NUDT16L1: variants seen among roughly 807,000 people sequenced by gnomAD.
The protein encoded by NUDT16L1 is nudix hydrolase 16 like 1.
A neutral mutation model predicts 17.3 loss-of-function variants in NUDT16L1; 19 were observed. The ratio of observed to expected loss-of-function variants is 1.10; its 90% CI spans 0.77 to 1.61. NUDT16L1 has a LOEUF of 1.61. Among genes scored for constraint, NUDT16L1 ranks in the 40% most tolerant of loss-of-function variants. The pLI is 0.00. For synonymous variants in NUDT16L1, 255 were observed against 138.6 expected, an observed-to-expected ratio of 1.84 and a Z score of -5.90; for missense variants, 341 against 292.0, an observed-to-expected ratio of 1.17 and a Z score of -1.22.
chr16:4,695,181 G>T (rs568207659), exon 3 of NUDT16L1: 3 of 1,611,414 alleles, frequency 1.9e-6, no homozygotes, highest in Admixed American at 1.7e-5. Flanking sequence ...TCCTCTTGAG[G>T]GCTGCCTGAG....
exon 3 of NUDT16L1, chr16:4,695,363 C>T (rs1170066144): frequency 2.2e-5 from 14 of 633,750 alleles, no homozygotes; most frequent in Non-Finnish European, 1.1e-5. Flanking sequence ...GAACCCAGCC[C>T]ATCCTCTCAG....
intron 2 of NUDT16L1, 22 bp from the exon 3 acceptor site, chr16:4,694,936 C>G (rs772174005): frequency 3.1e-6 from 5 of 1,592,808 alleles, no homozygotes; most frequent in Non-Finnish European, 4.3e-6. Context: ...CTGGCCCCAA[C>G]CCCTACCTCC....
At chr16:4,695,308 T>C (rs1027631241) in exon 3 of NUDT16L1, 2 of 918,844 alleles carry the variant, frequency 2.2e-6, no homozygotes, top group African/African-American at 1.7e-5. Context: ...CCTGTCATCA[T>C]CTCCACTGTC....
chr16:4,695,502 G>C, exon 3 of NUDT16L1: 1 of 550,800 alleles, frequency 1.8e-6, no homozygotes, highest in Non-Finnish European at 3.2e-6. Flanking sequence ...GTGCCTGATT[G>C]TCCCACAGGG....
At position 4,694,514 on chromosome 16, in the gene NUDT16L1, G is replaced by A. The variant is rs1329141543; in HGVS notation, c.414+276G>A. The A allele has an allele frequency of 6.0e-6, 9 of 1,499,158 alleles. No homozygotes were observed. The East Asian group carries it at 1.5e-4, about 25-fold the overall frequency. 92.9% of individuals were successfully genotyped at this position (1,499,158 alleles called of 1,614,324 possible). On this transcript the variant is annotated intron_variant, in intron 2 of 2. Transcript: ENST00000304301. ...CTGGGAGTGGGGGAGTGGGATCGGT[G>A]GGGAGGAAGGGATGGGGGAGGAGCG...
At chr16:4,694,095 C>T (rs773746711) in exon 2 of NUDT16L1, 4 of 1,591,088 alleles carry the variant, frequency 2.5e-6, no homozygotes, top group South Asian at 1.1e-5. Context: ...CTGCCTGCGC[C>T]TCACCGAGGC....
chr16:4,693,672 G>T, upstream of NUDT16L1: 1 of 1,377,518 alleles, frequency 7.3e-7, no homozygotes. Flanking sequence ...GCACGGCGGG[G>T]GCGGGCTCGC....
exon 3 of NUDT16L1, chr16:4,695,191 G>C (rs1437353757): frequency 5.0e-6 from 8 of 1,610,138 alleles, no homozygotes; most frequent in Non-Finnish European, 6.8e-6. Flanking sequence ...GGCTGCCTGA[G>C]CTGGTGGCAC....
At chr16:4,693,606 C>T, upstream of NUDT16L1, 1 of 1,177,214 alleles carries the variant, frequency 8.5e-7, no homozygotes, top group South Asian at 2.4e-5. Context: ...CCGGGGCGCG[C>T]CGGCGATTGG....
At chr16:4,693,813 C>G (rs565516172) in exon 1 of NUDT16L1, 5 of 1,572,520 alleles carry the variant, frequency 3.2e-6, no homozygotes, top group Non-Finnish European at 4.3e-6. Context: ...ACTCGTGCCA[C>G]GCCATGCTGT....
At chr16:4,694,610 G>A (rs1413656289) in intron 2 of NUDT16L1, 44 of 1,429,026 alleles carry the variant, frequency 3.1e-5, no homozygotes, top group Non-Finnish European at 3.7e-5. Flanking sequence ...CATGTTGGGC[G>A]TGAAGGCTCT....
chr16:4,693,753 G>A (rs1057422329), exon 1 of NUDT16L1: 2 of 1,555,290 alleles, frequency 1.3e-6, no homozygotes, highest in Admixed American at 1.9e-5. Flanking sequence ...TTCCGGAGCT[G>A]AAGCAGATCA....
exon 2 of NUDT16L1, chr16:4,694,113 C>T (rs1286087473): frequency 1.3e-6 from 2 of 1,590,556 alleles, no homozygotes; most frequent in East Asian, 2.3e-5. Context: ...GGCCGACTAC[C>T]TGAGCTCGCA....
intron 2 of NUDT16L1, chr16:4,694,488 C>T: frequency 6.6e-7 from 1 of 1,521,692 alleles, no homozygotes; most frequent in East Asian, 2.5e-5. Flanking sequence ...CATTGCCAAT[C>T]CTGGGAGTGG....
exon 3 of NUDT16L1, chr16:4,694,993 G>T (rs377462898): frequency 2.5e-6 from 4 of 1,611,978 alleles, no homozygotes; most frequent in Non-Finnish European, 3.4e-6. Context: ...TGTACACCCA[G>T]AAGGACCGAG....
chr16:4,694,261 G>GC (rs1003414982), intron 2 of NUDT16L1, 23 bp downstream of exon 2: 4 of 1,457,274 alleles, frequency 2.7e-6, no homozygotes, highest in East Asian at 2.6e-5. Context: ...CCCGGGCCCC[G>GC]CCCCCCGCCC....
Position 4,694,963 on chromosome 16 carries a change from G to A in NUDT16L1, c.420G>A (p.Leu140=), listed in dbSNP as rs139204783. ...CCTACCTCCTGTCTGCGCAGGTGCT[G>A]GGCCTCGTGCGGGTCCCGCTGTACA... The change falls in exon 3 of 3, where the codon CTG becomes CTA. Residue 140 remains leucine, a synonymous_variant. Transcript: ENST00000304301. The A allele has an allele frequency of 1.1e-4, 169 of 1,608,062 alleles. 1 individual carries two copies. The highest frequency in any genetic ancestry group is 4.3e-4 in the Admixed American group (26 of 59,854).
exon 3 of NUDT16L1, chr16:4,695,330 C>T (rs1385814582): frequency 8.6e-6 from 7 of 810,850 alleles, no homozygotes; most frequent in African/African-American, 3.5e-5. Context: ...CAAGCAGTCA[C>T]TAGGTGGCGG....
At chr16:4,694,807 C>A in intron 2 of NUDT16L1, 151 bp from the exon 3 acceptor site, 1 of 1,445,576 alleles carries the variant, frequency 6.9e-7, no homozygotes. Context: ...AGGGAGCTGG[C>A]TGGCTTCTGC....
Sources: gnomAD v4.1 joint callset for allele counts on GRCh38, gnomAD v4.1.1 for gene constraint, MANE v1.5 for transcripts, NCBI Gene and HGNC (gene_info 2026-07-23, HGNC 2026-07-21) for gene names.